Variants in SEMA6B observed in about 807,000 individuals in gnomAD.
SEMA6B encodes the protein semaphorin-6B.
Under a neutral mutation model 78.6 loss-of-function variants are expected in SEMA6B, and 47 were observed. The observed-to-expected ratio is 0.60, with a 90% confidence interval of 0.47 to 0.76. SEMA6B has a LOEUF of 0.76. Ranked by LOEUF, SEMA6B falls within the 30% of genes least tolerant of loss-of-function variation. The probability of loss-of-function intolerance (pLI) is 0.00; values close to 1 mark genes in which losing one functional copy is unlikely to be tolerated. For synonymous variants in SEMA6B, 632 were observed against 592.2 expected, an observed-to-expected ratio of 1.07 and a Z score of -0.98; for missense variants, 1,213 against 1,269.9, an observed-to-expected ratio of 0.96 and a Z score of 0.68.
rs1409201950 is a variant in SEMA6B, at chr19:4,554,472, A to G, written c.687T>C (p.Pro229=). 1.2e-6 allele frequency: 2 copies of G among 1,613,474 alleles called. No homozygotes were observed. Among genetic ancestry groups the G allele is most frequent in the African/African-American group, 2.7e-5 (2 of 74,914 alleles). The change falls in exon 9 of 17, where the codon CCT becomes CCC. Residue 229 remains proline (P), a synonymous_variant. Transcript: ENST00000586582. ...CCCACTCCACCGCATGGACAAAGTA[A>G]GGCTCTGCAGGACAGGAGGGGTCAG... is the stretch of plus-strand genomic sequence containing the variant. The part of the protein sequence containing the change: ...VKHDSKWFKE[P]YFVHAVEWGS...
rs750785274 is a variant in SEMA6B at position 4,554,461 on chromosome 19, T to C, written c.698A>G (p.His233Arg). 5.6e-6 allele frequency: 9 copies of C among 1,613,818 alleles called. No homozygotes were observed. The Admixed American group carries it at 1.3e-4, about 24-fold the overall frequency. Residue 233 changes from histidine (H) to arginine (R), a missense_variant, in exon 9 of 17, where the codon CAT becomes CGT. Transcript: ENST00000586582. ...SKWFKEPYFV[H>R]AVEWGSHVYF... Reference sequence around the variant, plus strand: ...GACATGGCTGCCCCACTCCACCGCATGGACAAAGTAAGGCTCTGCAGGACA... The same window carrying C: ...GACATGGCTGCCCCACTCCACCGCACGGACAAAGTAAGGCTCTGCAGGACA...
At chr19:4,554,780 C>T (rs1324898526) in intron 8 of SEMA6B, among the ~76,000 whole-genome samples, 196 bp downstream of exon 8, 2 of 152,212 alleles carry the variant, frequency 1.3e-5, no homozygotes, top group Non-Finnish European at 2.9e-5. Context: ...CACCCACTTC[C>T]AGCGGGTTCT....
rs867766154 is a variant in SEMA6B at position 4,543,326 on chromosome 19, A to C, written c.*275T>G. On this transcript the variant is annotated 3_prime_UTR_variant, in exon 17 of 17. Transcript: ENST00000586582. ...AAAAGAAACCAAAACTGCAAAAAAAACCAAAACCTACGCGCATAAGGTCAA... is the reference window on the plus strand; with the variant it reads ...AAAAGAAACCAAAACTGCAAAAAAACCCAAAACCTACGCGCATAAGGTCAA... 55 of 457,994 alleles carry C rather than the reference A, an allele frequency of 1.2e-4. No homozygotes were observed. In the Middle Eastern group the frequency reaches 1.7e-3, roughly 14 times the overall value. 28.4% of individuals were successfully genotyped at this position (457,994 alleles called of 1,614,324 possible).
chr19:4,555,842 G>T lies in SEMA6B; in HGVS notation c.471+146C>A. Reference sequence around the variant, plus strand: ...TTTGGACAGCGCTGACTCCTCTTGAGCTCAGGGGGAGGAGGCAGGGAGAGT... The same window carrying T: ...TTTGGACAGCGCTGACTCCTCTTGATCTCAGGGGGAGGAGGCAGGGAGAGT... On this transcript the variant is annotated intron_variant, in intron 6 of 16. Transcript: ENST00000586582. This position sits in a 1 kb window ranked among gnomAD's most constrained non-coding sequence, Gnocchi z 6.1. 1 of 723,532 alleles carries T rather than the reference G, an allele frequency of 1.4e-6. No homozygotes were observed. Among genetic ancestry groups the T allele is most frequent in the Non-Finnish European group, 2.4e-6 (1 of 412,750 alleles). The allele number at this position is 723,532 out of a possible 1,614,324, so 44.8% of individuals were successfully genotyped here.
intron 15 of SEMA6B, 42 bp downstream of exon 15, chr19:4,546,350 G>C (rs202211434): frequency 5.0e-6 from 8 of 1,590,108 alleles, no homozygotes; most frequent in Non-Finnish European, 6.9e-6. Context: ...GATCATGGGC[G>C]GGTCTGACAC....
chr19:4,553,136 A>G (rs1202342442), intron 9 of SEMA6B, among the ~76,000 whole-genome samples: 1 of 152,230 alleles, frequency 6.6e-6, no homozygotes, highest in Non-Finnish European at 1.5e-5. Context: ...ATACATCTGA[A>G]GAAGGATGAT....
Position 4,558,803 on chromosome 19 carries a change from C to T in SEMA6B, c.-32-314G>A, listed in dbSNP as rs1977544328. 6.6e-6 allele frequency among the ~76,000 whole-genome samples: 1 copy of T among 151,350 alleles called. No homozygotes were observed. Among genetic ancestry groups the T allele is most frequent in the Admixed American group, 6.6e-5 (1 of 15,172 alleles). ...TAAAACATATATTTAAAAATGCAAT[C>T]GCAAAATACATGCATAAAAATACTT... On this transcript the variant is annotated intron_variant, in intron 1 of 16. Transcript: ENST00000586582. The surrounding 1 kb of genome is among the most constrained non-coding windows in gnomAD (Gnocchi z 5.1).
intron 14 of SEMA6B, among the ~76,000 whole-genome samples, chr19:4,547,794 C>A (rs77618432): frequency 1.4e-5 from 2 of 142,142 alleles, no homozygotes; most frequent in Non-Finnish European, 3.1e-5. Flanking sequence ...CCTCCCCGTC[C>A]TCCCCTCCTC....
chr19:4,557,130 A>AC (rs1481949311), intron 4 of SEMA6B, 33 bp downstream of exon 4: 2 of 1,596,306 alleles, frequency 1.3e-6, no homozygotes, highest in Non-Finnish European at 1.7e-6. Flanking sequence ...CCCTGGCCCT[A>AC]CCCCTCCACT....
At position 4,550,325 on chromosome 19, in the gene SEMA6B, G is replaced by GC. The variant is rs369462819; in HGVS notation, c.1122-54dup. 38 of 1,591,972 alleles carry GC rather than the reference G, an allele frequency of 2.4e-5. No homozygotes were observed. In the East Asian group the frequency reaches 7.0e-4, roughly 29 times the overall value. ...CGAACGTAAAGGTTCTCATAAAGGG[G>GC]CCTGATTCACCAGAGGTACCCATTG... On this transcript the variant is annotated intron_variant, in intron 11 of 16. Transcript: ENST00000586582. This position sits in a 1 kb window ranked among gnomAD's most constrained non-coding sequence, Gnocchi z 6.6.
At position 4,556,101 on chromosome 19, in the gene SEMA6B, A is replaced by G; in HGVS notation, c.370-12T>C. 4 of 1,603,214 alleles carry G rather than the reference A, an allele frequency of 2.5e-6. No homozygotes were observed. In the South Asian group the frequency reaches 4.4e-5, roughly 18 times the overall value. Reference sequence around the variant, plus strand: ...TTTCGACACTCGCCCTGAGGTGGGGACAGGAGGAAGCGGGGAGCGCGATGT... The same window carrying G: ...TTTCGACACTCGCCCTGAGGTGGGGGCAGGAGGAAGCGGGGAGCGCGATGT... On this transcript the variant is annotated splice_polypyrimidine_tract_variant and intron_variant, in intron 5 of 16. Transcript: ENST00000586582.
In SEMA6B at chr19:4,546,400, C is replaced by G. The variant is rs370723893; in HGVS notation, c.1671G>C (p.Pro557=). ...TCCCTCTCCCGCAGTACCTGGTGCCCGGGCTGAGGAAGATGCAGGAGCCGT... is the reference window on the plus strand; with the variant it reads ...TCCCTCTCCCGCAGTACCTGGTGCCGGGGCTGAGGAAGATGCAGGAGCCGT... ...APDGSCIFLS[P]GTRAAFEQDV... The change falls in exon 15 of 17, where the codon CCG becomes CCC. Residue 557 remains proline (P), a synonymous_variant. Coordinates refer to ENST00000586582, the MANE Select transcript of SEMA6B (RefSeq NM_032108.4). The G allele has an allele frequency of 2.7e-5, 42 of 1,583,820 alleles. No individual in the cohort carries two copies. The African/African-American group carries it at 4.6e-4, about 17-fold the overall frequency.
chr19:4,554,100 G>A (rs1416988847), intron 9 of SEMA6B, among the ~76,000 whole-genome samples: 1 of 149,318 alleles, frequency 6.7e-6, no homozygotes, highest in Non-Finnish European at 1.5e-5. Flanking sequence ...GGGGATGAAG[G>A]ATGGATAAGT....
Position 4,543,674 on chromosome 19 carries a change from G to T in SEMA6B, c.2594C>A (p.Ala865Asp). The T allele has an allele frequency of 1.6e-6, 2 of 1,230,864 alleles. No homozygotes were observed. The highest frequency in any genetic ancestry group is 2.0e-6 in the Non-Finnish European group (2 of 987,310). The allele number at this position is 1,230,864 out of a possible 1,614,324, so 76.2% of individuals were successfully genotyped here. A position where few individuals can be genotyped will look rare whatever the true frequency, so the allele number is the denominator to read the frequency against. Reference sequence around the variant, plus strand: ...GTGGGCCAAGTCTGTGCCCGGCCGGGCGTGGCAGCCGCGGTGGCGGTCCCC... The same window carrying T: ...GTGGGCCAAGTCTGTGCCCGGCCGGTCGTGGCAGCCGCGGTGGCGGTCCCC... ...RPGDRHRGCH[A>D]RPGTDLAHLL... Residue 865 changes from alanine to aspartate, a missense_variant, in exon 17 of 17, where the codon GCC becomes GAC. Physicochemically the swap from Ala to Asp is moderately radical, Grantham distance 126. Transcript: ENST00000586582.
At chr19:4,557,896 C>T (rs1363407221) in intron 3 of SEMA6B, 130 bp downstream of exon 3, 12 of 811,160 alleles carry the variant, frequency 1.5e-5, no homozygotes, top group Non-Finnish European at 2.0e-5. Flanking sequence ...GGGTCAAAGC[C>T]TAAGTCCTCC....
At position 4,558,418 on chromosome 19, in the gene SEMA6B, G is replaced by T; in HGVS notation, c.40C>A (p.Leu14Met). Reference sequence around the variant, plus strand: ...CCCCCCAGTAGCAGCAGCAGAAGCAGCAGGGCCGGGCGGGGAGGGGACGCT... The same window carrying T: ...CCCCCCAGTAGCAGCAGCAGAAGCATCAGGGCCGGGCGGGGAGGGGACGCT... The part of the protein sequence containing the change: ...PRASPPRPAL[L>M]LLLLLLGGAH... Residue 14 changes from leucine to methionine, a missense_variant, in exon 2 of 17, where the codon CTG becomes ATG. Leu to Met is a conservative substitution (Grantham distance 15). Coordinates refer to ENST00000586582, the MANE Select transcript of SEMA6B (RefSeq NM_032108.4). The surrounding 1 kb of genome is among the most constrained non-coding windows in gnomAD (Gnocchi z 5.1). 7.9e-7 allele frequency: 1 copy of T among 1,264,416 alleles called. No homozygotes were observed. Among genetic ancestry groups the T allele is most frequent in the East Asian group, 3.1e-5 (1 of 32,450 alleles). The allele number at this position is 1,264,416 out of a possible 1,614,324, so 78.3% of individuals were successfully genotyped here.
In SEMA6B at chr19:4,543,119, A is replaced by T. The variant is rs1257797439; in HGVS notation, c.*482T>A. 1 of 622,840 alleles carries T rather than the reference A, an allele frequency of 1.6e-6. No homozygotes were observed. The highest frequency in any genetic ancestry group is 2.5e-5 in the Admixed American group (1 of 39,408). 38.6% of individuals were successfully genotyped at this position (622,840 alleles called of 1,614,324 possible). ...CACCTCCCCGGCCCCTTGCACACGA[A>T]CACGGCACGCACACGCACGCACACC... On this transcript the variant is annotated 3_prime_UTR_variant, in exon 17 of 17. Transcript: ENST00000586582.
chr19:4,553,117 GATAA>G (rs1977374245), intron 9 of SEMA6B, among the ~76,000 whole-genome samples: 2 of 152,344 alleles, frequency 1.3e-5, no homozygotes, highest in South Asian at 2.1e-4. Flanking sequence ...TAGGTGGATG[GATAA>G]ATAAATACAT....
Position 4,548,151 on chromosome 19 carries a change from C to A in SEMA6B, c.1477G>T (p.Glu493Ter). 6.3e-7 allele frequency: 1 copy of A among 1,591,218 alleles called. No individual in the cohort carries two copies. The highest frequency in any genetic ancestry group is 2.3e-5 in the East Asian group (1 of 44,218). ...PDRCGRPGGG[E>*]TGQRLLSLEL... is the part of the protein sequence containing the mutation. ...AAGCTCAGCAGCCGCTGCCCTGTCT[C>A]GCCACCGCCGGGCCGTCCACACCTG... Residue 493 changes from glutamate (E) to a stop codon, truncating the protein, a stop_gained, in exon 14 of 17, where the codon GAG becomes TAG. Coordinates refer to ENST00000586582, the MANE Select transcript of SEMA6B (RefSeq NM_032108.4). LOFTEE classifies it high-confidence loss of function.
Sources: gnomAD v4.1 joint callset for allele counts (sites outside exome capture counted in the v4.1 genomes callset) on GRCh38, gnomAD v4.1.1 for gene constraint, Gnocchi (gnomAD v3.1) non-coding constraint, MANE v1.5 for transcripts, NCBI Gene and HGNC (gene_info 2026-07-23, HGNC 2026-07-21) for gene names.